Variants in FAF1 observed in about 807,000 individuals in gnomAD.
The protein encoded by FAF1 is Fas associated factor 1.
In FAF1, 25 loss-of-function variants were observed where a neutral mutation model predicts 92.5. The ratio of observed to expected loss-of-function variants is 0.27; its 90% CI spans 0.20 to 0.38. The LOEUF (loss-of-function observed/expected upper bound fraction) is 0.38, where lower values mean the gene tolerates loss of function less well. Ranked by LOEUF, FAF1 falls within the 10% of genes least tolerant of loss-of-function variation. The pLI, the probability that FAF1 is intolerant of heterozygous loss-of-function variation, is 1.00. For missense variants in FAF1, 636 were observed against 793.3 expected (o/e 0.80, Z 2.38); for synonymous variants, 234 against 273.2 (o/e 0.86, Z 1.42).
At chr1:50,912,309 C>G (rs1644891674) in intron 1 of FAF1, among the ~76,000 whole-genome samples, 1 of 152,200 alleles carries the variant, frequency 6.6e-6, no homozygotes, top group Admixed American at 6.5e-5. Flanking sequence ...GGTTTTTAGA[C>G]TCTGTCTCAG....
intron 2 of FAF1, among the ~76,000 whole-genome samples, chr1:50,855,645 A>G (rs1162638945): frequency 6.6e-6 from 1 of 151,906 alleles, no homozygotes; most frequent in East Asian, 1.9e-4. Context: ...ATTATTCAAA[A>G]TATTTGTTTC....
chr1:50,603,545 G>A (rs778977482), intron 8 of FAF1, among the ~76,000 whole-genome samples: 7 of 152,208 alleles, frequency 4.6e-5, no homozygotes, highest in East Asian at 1.9e-4. Context: ...ACTGAGTCAT[G>A]AGGCTAAAAT....
At chr1:50,780,897 G>A in intron 4 of FAF1, 1 of 483,582 alleles carries the variant, frequency 2.1e-6, no homozygotes, top group South Asian at 1.6e-5. Flanking sequence ...CCAAACACAT[G>A]GCTCAGCAGG....
intron 8 of FAF1, among the ~76,000 whole-genome samples, chr1:50,618,301 A>G (rs1168835414): frequency 1.3e-5 from 2 of 151,934 alleles, no homozygotes; most frequent in African/African-American, 4.8e-5. Context: ...TCCTCTTAAC[A>G]CTGCTTTAGC....
chr1:50,867,612 T>C (rs1490577971), intron 1 of FAF1, among the ~76,000 whole-genome samples: 2 of 151,956 alleles, frequency 1.3e-5, no homozygotes, highest in Non-Finnish European at 2.9e-5. Flanking sequence ...GGCAAATGCA[T>C]ATCAAAACCA....
chr1:50,693,277 T>C (rs1294506230), intron 7 of FAF1, among the ~76,000 whole-genome samples: 1 of 152,198 alleles, frequency 6.6e-6, no homozygotes, highest in Non-Finnish European at 1.5e-5. Context: ...CTTGTGCATG[T>C]AGATATCTAG....
At chr1:50,669,522 A>G (rs1015429450) in intron 7 of FAF1, among the ~76,000 whole-genome samples, 2 of 152,238 alleles carry the variant, frequency 1.3e-5, no homozygotes, top group Non-Finnish European at 2.9e-5. Context: ...TAATGGAACA[A>G]CAAAGGAAAA....
intron 3 of FAF1, among the ~76,000 whole-genome samples, chr1:50,795,143 G>A (rs1260720825): frequency 6.6e-6 from 1 of 152,092 alleles, no homozygotes; most frequent in Non-Finnish European, 1.5e-5. Context: ...CCCTCACCAA[G>A]GCTGCATCTA....
intron 6 of FAF1, among the ~76,000 whole-genome samples, chr1:50,732,596 T>C (rs2124475884): frequency 1.3e-5 from 2 of 152,336 alleles, no homozygotes; most frequent in East Asian, 3.9e-4. Flanking sequence ...CTGGGGTCAC[T>C]TTCTTTTCCT....
chr1:50,960,184 CCGAGCGAG>C lies in FAF1; in HGVS notation c.-381_-374del. On this transcript the variant is annotated 5_prime_UTR_variant, in exon 1 of 19. Coordinates refer to ENST00000396153, the MANE Select transcript of FAF1 (RefSeq NM_007051.3). Reference sequence around the variant, plus strand: ...GTTAAGCCCGGCGGGGGCGGGGAAACCGAGCGAGCGAGCGGGCGGGCGAACGCCGCGGC... The same window carrying C: ...GTTAAGCCCGGCGGGGGCGGGGAAACCGAGCGGGCGGGCGAACGCCGCGGC... 3.2e-6 allele frequency: 1 copy of C among 310,922 alleles called. No individual in the cohort carries two copies. 19.3% of individuals were successfully genotyped at this position (310,922 alleles called of 1,614,324 possible). A position where few individuals can be genotyped will look rare whatever the true frequency, so the allele number is the denominator to read the frequency against.
At chr1:50,486,517 CT>C (rs559883643) in intron 17 of FAF1, among the ~76,000 whole-genome samples, 115 of 147,202 alleles carry the variant, frequency 7.8e-4, no homozygotes, top group Non-Finnish European at 6.6e-4. Flanking sequence ...TCTGTGAAGT[CT>C]TTTTTTTTTT....
intron 8 of FAF1, among the ~76,000 whole-genome samples, chr1:50,611,746 A>G (rs1652695490): frequency 6.6e-6 from 1 of 152,156 alleles, no homozygotes; most frequent in African/African-American, 2.4e-5. Flanking sequence ...TATTTTTCAC[A>G]ATGCACAATT....
At chr1:50,879,240 G>C (rs1000912119) in intron 1 of FAF1, among the ~76,000 whole-genome samples, 6 of 151,882 alleles carry the variant, frequency 4.0e-5, no homozygotes, top group Non-Finnish European at 7.4e-5. Context: ...GCGAGACCTT[G>C]TTTCAAAAAA....
chr1:50,573,870 G>A (rs1267375091), intron 12 of FAF1, among the ~76,000 whole-genome samples: 1 of 151,876 alleles, frequency 6.6e-6, no homozygotes, highest in Non-Finnish European at 1.5e-5. Flanking sequence ...GTTCACGCCT[G>A]TAATTTCACC....
chr1:50,497,702 C>T (rs1646917696), intron 15 of FAF1, among the ~76,000 whole-genome samples: 1 of 151,792 alleles, frequency 6.6e-6, no homozygotes, highest in Non-Finnish European at 1.5e-5. Context: ...GTGCATGCCA[C>T]CATGCCCGGC....
chr1:50,633,074 T>C (rs1653860515), intron 8 of FAF1, among the ~76,000 whole-genome samples: 2 of 152,202 alleles, frequency 1.3e-5, no homozygotes, highest in African/African-American at 4.8e-5. Context: ...AAAATAAAGC[T>C]ACTTGCCTCT....
At chr1:50,491,301 T>C (rs1223546473) in intron 16 of FAF1, among the ~76,000 whole-genome samples, 1 of 152,202 alleles carries the variant, frequency 6.6e-6, no homozygotes, top group African/African-American at 2.4e-5. Flanking sequence ...CTCTACCACA[T>C]TGTGAAACTT....
At chr1:50,708,979 G>C (rs997391434) in intron 6 of FAF1, among the ~76,000 whole-genome samples, 1 of 152,188 alleles carries the variant, frequency 6.6e-6, no homozygotes, top group African/African-American at 2.4e-5. Flanking sequence ...TCAAACAATA[G>C]ATGGGGTCAA....
intron 2 of FAF1, among the ~76,000 whole-genome samples, chr1:50,838,244 A>G (rs1644226548): frequency 6.6e-6 from 1 of 152,144 alleles, no homozygotes; most frequent in Non-Finnish European, 1.5e-5. Context: ...AAAATAAAAT[A>G]AAATGAAGAA....
Sources: allele counts gnomAD v4.1 joint callset (sites outside exome capture counted in the v4.1 genomes callset), GRCh38; gene constraint gnomAD v4.1.1; transcripts MANE v1.5; gene names NCBI Gene and HGNC (gene_info 2026-07-23, HGNC 2026-07-21).